The following WDR4 variants were observed in gnomAD, a reference collection of about 807,000 sequenced individuals.
The protein encoded by WDR4 is tRNA (guanine-N(7)-)-methyltransferase non-catalytic subunit WDR4.
Under a neutral mutation model 48.6 loss-of-function variants are expected in WDR4, and 47 were observed. The ratio of observed to expected loss-of-function variants is 0.97; its 90% confidence interval spans 0.77 to 1.23. The LOEUF (loss-of-function observed/expected upper bound fraction) is 1.23, where lower values mean the gene tolerates loss of function less well. Ranked by LOEUF, WDR4 falls within the 50% of genes most tolerant of loss-of-function variation. The pLI, the probability that WDR4 is intolerant of heterozygous loss-of-function variation, is 0.00. For missense variants in WDR4, 606 were observed against 551.6 expected, an observed-to-expected ratio of 1.10 and a Z score of -0.99; for synonymous variants, 268 against 230.0, an observed-to-expected ratio of 1.17 and a Z score of -1.49.
intron 8 of WDR4, 144 bp from the exon 9 acceptor site, chr21:42,853,896 A>C: frequency 2.9e-5 from 25 of 876,718 alleles, no homozygotes; most frequent in Admixed American, 5.6e-5. Flanking sequence ...CCACTCCCAA[A>C]TGCCGGCGCC....
At chr21:42,846,910 A>C (rs941273328), downstream of WDR4, among the ~76,000 whole-genome samples, 1 of 151,822 alleles carries the variant, frequency 6.6e-6, no homozygotes, top group Admixed American at 6.6e-5. Context: ...TAATCCAGCT[A>C]CTCGGGAGGC....
chr21:42,876,218 CT>C (rs373181618), intron 2 of WDR4, among the ~76,000 whole-genome samples: 46 of 105,750 alleles, frequency 4.3e-4, no homozygotes, highest in Admixed American at 5.4e-4. Context: ...ACACTGTACT[CT>C]TTTTTTTTTT....
At chr21:42,865,569 C>T (rs1401398185) in intron 3 of WDR4, among the ~76,000 whole-genome samples, 1 of 152,218 alleles carries the variant, frequency 6.6e-6, no homozygotes, top group African/African-American at 2.4e-5. Flanking sequence ...CCAGCCTCTC[C>T]AGCTGGGCTT....
At chr21:42,890,724 G>A in the WDR4 span, among the ~76,000 whole-genome samples, 2 of 152,188 alleles carry the variant, frequency 1.3e-5, no homozygotes, top group Non-Finnish European at 2.9e-5. Flanking sequence ...GAAAGACTCT[G>A]GGCAGAGAGT....
chr21:42,855,559 A>T, intron 7 of WDR4, 123 bp downstream of exon 7: 1 of 683,474 alleles, frequency 1.5e-6, no homozygotes, highest in Middle Eastern at 2.5e-4. Flanking sequence ...TTTCCCTCAC[A>T]CAGGAGGAAG....
intron 7 of WDR4, 64 bp downstream of exon 7, chr21:42,855,618 C>A (rs2057966761): frequency 7.8e-7 from 1 of 1,281,444 alleles, no homozygotes. Flanking sequence ...CTTTTCCACT[C>A]AAGTCAGGCG....
chr21:42,886,232 C>T, the WDR4 span, among the ~76,000 whole-genome samples: 1 of 152,206 alleles, frequency 6.6e-6, no homozygotes, highest in South Asian at 2.1e-4. Context: ...GCTGGGATTA[C>T]AGGCATGAGC....
intron 3 of WDR4, among the ~76,000 whole-genome samples, chr21:42,871,428 T>A (rs2058366969): frequency 1.3e-5 from 2 of 152,214 alleles, no homozygotes; most frequent in Admixed American, 1.3e-4. Context: ...CAGAGATCCC[T>A]GTGGAGGGGC....
the WDR4 span, among the ~76,000 whole-genome samples, chr21:42,891,656 G>A: frequency 6.6e-6 from 1 of 151,534 alleles, no homozygotes; most frequent in Admixed American, 6.6e-5. Context: ...TGAGCCTAGT[G>A]GTGAAGAAAA....
downstream of WDR4, among the ~76,000 whole-genome samples, chr21:42,848,391 GCA>G (rs1281622400): frequency 6.8e-6 from 1 of 146,228 alleles, no homozygotes; most frequent in African/African-American, 2.6e-5. Flanking sequence ...CACTCACACA[GCA>G]CACGATCACG....
At chr21:42,891,969 T>G in the WDR4 span, among the ~76,000 whole-genome samples, 2 of 133,818 alleles carry the variant, frequency 1.5e-5, no homozygotes, top group Admixed American at 1.5e-4. Context: ...AAAAAAAAAT[T>G]TAGGCCAGGC....
At chr21:42,882,422 G>A (rs185422997), upstream of WDR4, among the ~76,000 whole-genome samples, 1 of 150,508 alleles carries the variant, frequency 6.6e-6, no homozygotes, top group Non-Finnish European at 1.5e-5. Context: ...AATTAGCTGG[G>A]CTTGGTGGCA....
At chr21:42,854,667 G>C (rs1483442274) in intron 7 of WDR4, 41 bp from the exon 8 acceptor site, 1 of 1,598,726 alleles carries the variant, frequency 6.3e-7, no homozygotes, top group Non-Finnish European at 8.5e-7. Context: ...GCCACCTGCA[G>C]GGGCCCGACG....
chr21:42,873,146 C>A (rs559885997), intron 3 of WDR4, among the ~76,000 whole-genome samples: 132 of 152,346 alleles, frequency 8.7e-4, no homozygotes, highest in African/African-American at 3.0e-3. Flanking sequence ...GACCCCTCAA[C>A]AGACCCCAAA....
rs1288977488 is a variant in WDR4, at chr21:42,862,447, A to T, written c.454-53T>A. 25 of 1,494,296 alleles carry T rather than the reference A, an allele frequency of 1.7e-5. No individual in the cohort carries two copies. The highest frequency in any genetic ancestry group is 2.1e-5 in the Non-Finnish European group (23 of 1,098,400). 92.6% of individuals were successfully genotyped at this position (1,494,296 alleles called of 1,614,324 possible). A position where few individuals can be genotyped will look rare whatever the true frequency, so the allele number is the denominator to read the frequency against. ...AAGCCGCTCACCTGAGTCTTCCCGAATCAAGTCCCTCATGGAAGAAGGCAG... is the reference window on the plus strand; with the variant it reads ...AAGCCGCTCACCTGAGTCTTCCCGATTCAAGTCCCTCATGGAAGAAGGCAG... On this transcript the variant is annotated intron_variant, in intron 4 of 10. Transcript: ENST00000398208. This position sits in a 1 kb window ranked among gnomAD's most constrained non-coding sequence, Gnocchi z 4.3.
In WDR4 at chr21:42,850,186, C is replaced by T. The variant is rs756589615; in HGVS notation, c.1102G>A (p.Val368Met). 1.1e-5 allele frequency: 18 copies of T among 1,613,782 alleles called. No individual in the cohort carries two copies. The highest frequency in any genetic ancestry group is 5.3e-5 in the African/African-American group (4 of 74,944). Residue 368 changes from valine (V) to methionine (M), a missense_variant, in exon 11 of 11, where the codon GTG (valine) becomes ATG (methionine). Val to Met is a conservative substitution (Grantham distance 21). Transcript: ENST00000398208. ...TCTTTCTTCTTCAGGTAGGAGGTCACGTTGTCGAACGTGGCCTTGTAGAGA... is the reference window on the plus strand; with the variant it reads ...TCTTTCTTCTTCAGGTAGGAGGTCATGTTGTCGAACGTGGCCTTGTAGAGA... ...SSLYKATFDN[V>M]TSYLKKKEER...
chr21:42,882,928 G>A (rs945011933), upstream of WDR4, among the ~76,000 whole-genome samples: 10 of 151,970 alleles, frequency 6.6e-5, no homozygotes, highest in East Asian at 7.7e-4. Context: ...GTGAAACCCC[G>A]TCTGTACTAA....
At chr21:42,854,369 G>A (rs1420040445) in intron 8 of WDR4, among the ~76,000 whole-genome samples, 193 bp downstream of exon 8, 2 of 152,222 alleles carry the variant, frequency 1.3e-5, no homozygotes, top group African/African-American at 4.8e-5. Flanking sequence ...GTTGAAGAGC[G>A]CTGGCTGAGA....
At chr21:42,880,020 C>T (rs3746941), upstream of WDR4, among the ~76,000 whole-genome samples, 9 of 151,940 alleles carry the variant, frequency 5.9e-5, no homozygotes, top group East Asian at 1.7e-3. Flanking sequence ...GCCCCAACTA[C>T]TTGGGAGGCT....
Sources: allele counts gnomAD v4.1 joint callset (sites outside exome capture counted in the v4.1 genomes callset), GRCh38; gene constraint gnomAD v4.1.1; non-coding constraint Gnocchi (gnomAD v3.1); transcripts MANE v1.5; gene names NCBI Gene and HGNC (gene_info 2026-07-23, HGNC 2026-07-21).